The following CNTN5 variants were observed in gnomAD, a reference collection of about 807,000 sequenced individuals.
CNTN5 encodes contactin 5.
CNTN5 carries 77 observed loss-of-function variants against 129.1 expected under a neutral mutation model. That is an observed-to-expected ratio of 0.60 (90% CI 0.50 to 0.72). CNTN5 has a LOEUF of 0.72. Ranked by LOEUF, CNTN5 falls within the 30% of genes least tolerant of loss-of-function variation. The pLI is 0.00. For missense variants in CNTN5, 1,478 were observed against 1,328.8 expected (o/e 1.11, Z -1.75); for synonymous variants, 509 against 465.6 (o/e 1.09, Z -1.20).
At chr11:99,989,518 TAC>T (rs141903653) in intron 8 of CNTN5, among the ~76,000 whole-genome samples, 1 of 151,738 alleles carries the variant, frequency 6.6e-6, no homozygotes, top group Admixed American at 6.6e-5. Flanking sequence ...GATAGACACA[TAC>T]ACACACACTT....
At chr11:99,166,702 A>G (rs1459896613) in intron 1 of CNTN5, among the ~76,000 whole-genome samples, 1 of 151,912 alleles carries the variant, frequency 6.6e-6, no homozygotes, top group Non-Finnish European at 1.5e-5. Flanking sequence ...CTGACACAGT[A>G]ATGTTTTGAT....
chr11:99,035,466 C>A (rs1863669092), intron 1 of CNTN5, among the ~76,000 whole-genome samples: 1 of 151,810 alleles, frequency 6.6e-6, no homozygotes, highest in Non-Finnish European at 1.5e-5. Flanking sequence ...GTATTGGGTG[C>A]ATATATATTT....
In CNTN5 at chr11:99,649,707, G is replaced by A. The variant is rs146825503; in HGVS notation, c.55+93438G>A. On this transcript the variant is annotated intron_variant, in intron 3 of 24. Transcript: ENST00000524871. ...AGAAATTTCATTTGTTTAAGAAGGG[G>A]GCTCACTGAAGAAGGAAATTTTTAG... Among the ~76,000 whole-genome samples the A allele has an allele frequency of 1.4e-3, 216 of 150,694 alleles. 1 individual carries two copies. Among genetic ancestry groups the A allele is most frequent in the African/African-American group, 4.9e-3 (203 of 41,316 alleles).
rs1952569869 is a variant in CNTN5, at chr11:100,358,297, T to G, written c.*2077T>G. 1.3e-5 allele frequency: 2 copies of G among 151,862 alleles called. No individual in the cohort carries two copies. The highest frequency in any genetic ancestry group is 2.9e-5 in the Non-Finnish European group (2 of 67,816). 9.4% of individuals were successfully genotyped at this position (151,862 alleles called of 1,614,324 possible). On this transcript the variant is annotated 3_prime_UTR_variant, in exon 25 of 25. Coordinates refer to ENST00000524871, the MANE Select transcript of CNTN5 (RefSeq NM_014361.4). Reference sequence around the variant, plus strand: ...CCAGTAAAATATTAAACAAATAAAATGGCAAATTTAAATTAACCAATATTT... The same window carrying G: ...CCAGTAAAATATTAAACAAATAAAAGGGCAAATTTAAATTAACCAATATTT...
chr11:99,765,081 A>G (rs112878157), intron 3 of CNTN5, among the ~76,000 whole-genome samples: 3 of 152,050 alleles, frequency 2.0e-5, no homozygotes, highest in Non-Finnish European at 4.4e-5. Context: ...TACTTGTTAG[A>G]TATGGAAGAT....
At chr11:99,780,622 T>A (rs190984509) in intron 3 of CNTN5, among the ~76,000 whole-genome samples, 1 of 152,082 alleles carries the variant, frequency 6.6e-6, no homozygotes, top group Non-Finnish European at 1.5e-5. Context: ...TAAAATCTAA[T>A]GGACAATATT....
intron 8 of CNTN5, among the ~76,000 whole-genome samples, chr11:99,965,358 T>C (rs60485406): frequency 0.013 from 1,972 of 152,262 alleles, 42 homozygotes; most frequent in African/African-American, 0.045. Context: ...CTGGTATTTG[T>C]GTCTTTGTTC....
At chr11:100,303,902 CAA>C (rs1565415531) in intron 20 of CNTN5, among the ~76,000 whole-genome samples, 1 of 151,614 alleles carries the variant, frequency 6.6e-6, no homozygotes, top group Non-Finnish European at 1.5e-5. Context: ...TATAAAAGTT[CAA>C]CTACAGCTGT....
rs952037338 is a variant in CNTN5 at position 99,970,611 on chromosome 11, G to A, written c.877+13602G>A. Among the ~76,000 whole-genome samples the A allele has an allele frequency of 5.3e-5, 8 of 152,232 alleles. No individual in the cohort carries two copies. In the East Asian group the frequency reaches 1.4e-3, roughly 26 times the overall value. Reference sequence around the variant, plus strand: ...TGTTATTTAACAAACTTTAGTAAAGGTTAGCTATTAACACAGTACTTATCC... The same window carrying A: ...TGTTATTTAACAAACTTTAGTAAAGATTAGCTATTAACACAGTACTTATCC... On this transcript the variant is annotated intron_variant, in intron 8 of 24. Coordinates refer to ENST00000524871, the MANE Select transcript of CNTN5 (RefSeq NM_014361.4).
intron 4 of CNTN5, among the ~76,000 whole-genome samples, chr11:99,827,849 A>G (rs748678303): frequency 6.6e-6 from 1 of 152,112 alleles, no homozygotes; most frequent in Non-Finnish European, 1.5e-5. Flanking sequence ...AGCTCTCTCG[A>G]CTATTTTTCT....
intron 20 of CNTN5, among the ~76,000 whole-genome samples, chr11:100,300,166 C>T (rs1394984280): frequency 6.6e-6 from 1 of 151,404 alleles, no homozygotes; most frequent in Non-Finnish European, 1.5e-5. Context: ...TGGTTATACT[C>T]AATACATGAT....
intron 8 of CNTN5, among the ~76,000 whole-genome samples, chr11:99,961,969 C>G (rs1464344190): frequency 6.8e-6 from 1 of 146,758 alleles, no homozygotes; most frequent in African/African-American, 2.6e-5. Context: ...CGTAGAGAGA[C>G]ATATAGATAG....
Position 99,216,544 on chromosome 11 carries a change from T to TCATATGCTGGATAATATAATCC in CNTN5, c.-209-108802_-209-108801insCATATGCTGGATAATATAATCC, listed in dbSNP as rs1565410736. ...TGTGGAAATGCTGGATCATATGATCTATCATATGCTGGATAATATAATCCA... is the reference window on the plus strand; with the variant it reads ...TGTGGAAATGCTGGATCATATGATCTCATATGCTGGATAATATAATCCATCATATGCTGGATAATATAATCCA... On this transcript the variant is annotated intron_variant, in intron 1 of 24. Transcript: ENST00000524871. Among the ~76,000 whole-genome samples, 9 of 152,052 alleles carry TCATATGCTGGATAATATAATCC rather than the reference T, an allele frequency of 5.9e-5. No homozygotes were observed. The East Asian group carries it at 7.8e-4, about 13-fold the overall frequency.
intron 13 of CNTN5, among the ~76,000 whole-genome samples, chr11:100,123,703 CT>C (rs1946096274): frequency 6.6e-6 from 1 of 151,854 alleles, no homozygotes. Flanking sequence ...AGATATCTAG[CT>C]TTGAGTACTA....
chr11:99,745,460 ATAG>A (rs1427458021), intron 3 of CNTN5, among the ~76,000 whole-genome samples: 1 of 152,200 alleles, frequency 6.6e-6, no homozygotes, highest in East Asian at 1.9e-4. Context: ...AGGATGGAAA[ATAG>A]TAGTACTACC....
intron 2 of CNTN5, among the ~76,000 whole-genome samples, chr11:99,338,128 A>C (rs2035122): frequency 0.25 from 38,632 of 152,014 alleles, 5,429 homozygotes; most frequent in South Asian, 0.33. Context: ...GTAGGTGTTA[A>C]TTTTATACTG....
chr11:99,981,083 T>TATATATATATATATAC (rs1183575117), intron 8 of CNTN5, among the ~76,000 whole-genome samples: 1 of 67,816 alleles, frequency 1.5e-5, no homozygotes, highest in Non-Finnish European at 3.0e-5. Context: ...ATAGGATATA[T>TATATATATATATATAC]ATATATATAT....
At chr11:99,325,652 C>T (rs763964967) in intron 2 of CNTN5, among the ~76,000 whole-genome samples, 168 bp downstream of exon 2, 23 of 152,020 alleles carry the variant, frequency 1.5e-4, no homozygotes, top group Non-Finnish European at 2.9e-4. Context: ...TTGAAAACAC[C>T]TTGATTGTGT....
chr11:99,997,536 C>G (rs1390467976), intron 8 of CNTN5, among the ~76,000 whole-genome samples: 1 of 152,070 alleles, frequency 6.6e-6, no homozygotes, highest in Non-Finnish European at 1.5e-5. Context: ...CAAAAAGAGC[C>G]CAGGACGAGA....
Sources: gnomAD v4.1 joint callset for allele counts (sites outside exome capture counted in the v4.1 genomes callset) on GRCh38, gnomAD v4.1.1 for gene constraint, MANE v1.5 for transcripts, NCBI Gene and HGNC (gene_info 2026-07-23, HGNC 2026-07-21) for gene names.